Variants in KCNMA1 observed in about 807,000 individuals in gnomAD.
The protein encoded by KCNMA1 is Calcium-activated potassium channel subunit alpha-1.
In KCNMA1, 29 loss-of-function variants were observed where a neutral mutation model predicts 140.0. The ratio of observed to expected loss-of-function variants is 0.21; its 90% CI spans 0.15 to 0.28. The LOEUF is 0.28. KCNMA1 is among the 10% of genes least tolerant of loss of function. KCNMA1 has a pLI of 1.00. For synonymous variants in KCNMA1, 612 were observed against 611.9 expected (o/e 1.00, Z 0.00); for missense variants, 880 against 1,602.2 (o/e 0.55, Z 7.70).
chr10:77,083,117 C>T (rs2096617369), intron 12 of KCNMA1, among the ~76,000 whole-genome samples: 1 of 152,172 alleles, frequency 6.6e-6, no homozygotes, highest in Non-Finnish European at 1.5e-5. Context: ...CGAAAGATGG[C>T]TGTTCACAGT....
intron 2 of KCNMA1, chr10:77,304,606 G>T (rs564628933): frequency 6.6e-6 from 1 of 152,146 alleles, no homozygotes; most frequent in Non-Finnish European, 1.5e-5. Flanking sequence ...GGAAAAAATG[G>T]CAAAAAATAT....
At chr10:77,264,755 G>A (rs774910675) in intron 2 of KCNMA1, among the ~76,000 whole-genome samples, 9 of 152,038 alleles carry the variant, frequency 5.9e-5, no homozygotes, top group Non-Finnish European at 1.2e-4. Flanking sequence ...GTCATAACCC[G>A]CCTGCATATT....
At position 76,886,395 on chromosome 10, in the gene KCNMA1, T is replaced by C; in HGVS notation, c.*871A>G. ...TTTAATGACTTACATCTGATATTTA[T>C]GATACATATGGCTTTTCATCCCAAA... On this transcript the variant is annotated 3_prime_UTR_variant, in exon 28 of 28. Transcript: ENST00000286628. 1 of 985,212 alleles carries C rather than the reference T, an allele frequency of 1.0e-6. No homozygotes were observed. Among genetic ancestry groups the C allele is most frequent in the Non-Finnish European group, 1.2e-6 (1 of 829,722 alleles). The allele number at this position is 985,212 out of a possible 1,614,324, so 61.0% of individuals were successfully genotyped here. A position where few individuals can be genotyped will look rare whatever the true frequency, so the allele number is the denominator to read the frequency against.
At chr10:77,099,462 G>A (rs1208241570) in intron 9 of KCNMA1, among the ~76,000 whole-genome samples, 2 of 152,170 alleles carry the variant, frequency 1.3e-5, no homozygotes, top group Admixed American at 6.6e-5. Flanking sequence ...CACAGGGACT[G>A]GAAGGAGCTA....
chr10:77,358,274 ACT>A (rs1269594864), intron 2 of KCNMA1, among the ~76,000 whole-genome samples: 2 of 152,058 alleles, frequency 1.3e-5, no homozygotes, highest in African/African-American at 4.8e-5. Context: ...CTCCAAGGAA[ACT>A]CTCAGGATTA....
intron 2 of KCNMA1, among the ~76,000 whole-genome samples, chr10:77,393,545 C>G (rs2095918220): frequency 6.6e-6 from 1 of 152,170 alleles, no homozygotes; most frequent in East Asian, 1.9e-4. Flanking sequence ...AGCCACTCGC[C>G]CAGGGTAAAA....
chr10:77,539,730 G>T (rs1378612372), intron 1 of KCNMA1, among the ~76,000 whole-genome samples: 1 of 152,174 alleles, frequency 6.6e-6, no homozygotes, highest in Non-Finnish European at 1.5e-5. Flanking sequence ...CAGAGTGTGT[G>T]CACCACCCAC....
At chr10:76,944,701 G>C in intron 23 of KCNMA1, 72 bp downstream of exon 23, 1 of 1,394,360 alleles carries the variant, frequency 7.2e-7, no homozygotes, top group East Asian at 2.3e-5. Flanking sequence ...GAATTACTGA[G>C]TGAAGGATAT....
Position 76,942,614 on chromosome 10 carries a change from T to C in KCNMA1, c.2902+2159A>G, listed in dbSNP as rs1045592539. On this transcript the variant is annotated intron_variant, in intron 23 of 27. Coordinates refer to ENST00000286628, the MANE Select transcript of KCNMA1 (RefSeq NM_001161352.2). ...AGAATTGTTACCAGTTTGGCCTTTA[T>C]ATAGGATCTAAGAGGCTGGGATGAG... is the stretch of plus-strand genomic sequence containing the variant. Among the ~76,000 whole-genome samples, 28 of 152,164 alleles carry C rather than the reference T, an allele frequency of 1.8e-4. 2 individuals are homozygous for C. The highest frequency in any genetic ancestry group is 1.9e-4 in the East Asian group (1 of 5,194).
chr10:77,260,195 A>G (rs2061663324), intron 2 of KCNMA1, among the ~76,000 whole-genome samples: 1 of 152,180 alleles, frequency 6.6e-6, no homozygotes, highest in South Asian at 2.1e-4. Context: ...TAGCAAGGAC[A>G]GTCCTGCACA....
chr10:77,525,390 C>G (rs1420802451), intron 1 of KCNMA1, among the ~76,000 whole-genome samples: 2 of 152,204 alleles, frequency 1.3e-5, no homozygotes, highest in Non-Finnish European at 2.9e-5. Context: ...TTTCTCATAA[C>G]CACCCAGAAA....
intron 2 of KCNMA1, among the ~76,000 whole-genome samples, chr10:77,361,030 A>T (rs1199361040): frequency 1.3e-5 from 2 of 152,180 alleles, no homozygotes; most frequent in African/African-American, 4.8e-5. Context: ...TCATCAAGAC[A>T]TGGGTACAAA....
At chr10:77,417,437 G>C (rs1236638919) in intron 1 of KCNMA1, among the ~76,000 whole-genome samples, 1 of 152,174 alleles carries the variant, frequency 6.6e-6, no homozygotes, top group Admixed American at 6.5e-5. Context: ...AGGCATCACT[G>C]ACGTCTGGGT....
chr10:77,207,966 T>G (rs1019183466), intron 3 of KCNMA1, among the ~76,000 whole-genome samples: 1 of 152,258 alleles, frequency 6.6e-6, no homozygotes, highest in African/African-American at 2.4e-5. Context: ...AGATTATAAC[T>G]GCTCAGCAAG....
intron 1 of KCNMA1, among the ~76,000 whole-genome samples, chr10:77,452,806 T>G (rs1194687030): frequency 6.6e-6 from 1 of 152,248 alleles, no homozygotes; most frequent in Non-Finnish European, 1.5e-5. Flanking sequence ...TCCTTTATCT[T>G]GTGTCTGATT....
intron 15 of KCNMA1, among the ~76,000 whole-genome samples, chr10:77,035,169 T>G (rs948289114): frequency 2.6e-5 from 4 of 152,244 alleles, no homozygotes; most frequent in African/African-American, 9.6e-5. Context: ...CTGGAAAATC[T>G]CGGAGACCTA....
chr10:77,286,060 A>G (rs1459460852), intron 2 of KCNMA1, among the ~76,000 whole-genome samples: 1 of 152,098 alleles, frequency 6.6e-6, no homozygotes, highest in Admixed American at 6.6e-5. Context: ...TCTATCACTC[A>G]TGTCCTGTCC....
At chr10:77,154,972 G>A (rs1371894779) in intron 5 of KCNMA1, among the ~76,000 whole-genome samples, 1 of 152,218 alleles carries the variant, frequency 6.6e-6, no homozygotes, top group African/African-American at 2.4e-5. Context: ...AGAACTGAAG[G>A]GAGAGAGTGG....
chr10:77,579,314 T>C (rs911438870), intron 1 of KCNMA1, among the ~76,000 whole-genome samples: 5 of 152,162 alleles, frequency 3.3e-5, no homozygotes, highest in African/African-American at 4.8e-5. Flanking sequence ...GCCACAGGTG[T>C]GTGCGAAGAA....
Sources: gnomAD v4.1 joint callset for allele counts (sites outside exome capture counted in the v4.1 genomes callset) on GRCh38, gnomAD v4.1.1 for gene constraint, MANE v1.5 for transcripts, NCBI Gene and HGNC (gene_info 2026-07-23, HGNC 2026-07-21) for gene names.